The following ASXL3 variants were observed in gnomAD, a reference collection of about 807,000 sequenced individuals.
ASXL3 encodes the protein putative Polycomb group protein ASXL3.
ASXL3 carries 34 observed loss-of-function variants against 170.6 expected under a neutral mutation model. The observed-to-expected ratio is 0.20, with a 90% CI of 0.15 to 0.27. The LOEUF (loss-of-function observed/expected upper bound fraction) is 0.27, where lower values mean the gene tolerates loss of function less well. Among genes scored for constraint, ASXL3 ranks in the 10% least tolerant of loss-of-function variants. The probability of loss-of-function intolerance (pLI) is 1.00; values close to 1 mark genes in which losing one functional copy is unlikely to be tolerated. For synonymous variants in ASXL3, 1,002 were observed against 989.1 expected (o/e 1.01, Z -0.24); for missense variants, 2,592 against 2,695.3 (o/e 0.96, Z 0.85).
At chr18:33,735,918 C>G (rs2067537747) in intron 10 of ASXL3, among the ~76,000 whole-genome samples, 1 of 152,140 alleles carries the variant, frequency 6.6e-6, no homozygotes, top group African/African-American at 2.4e-5. Context: ...GTTCAAGGGA[C>G]CTACATTACA....
Position 33,739,128 on chromosome 18 carries a change from G to A in ASXL3, c.1724G>A (p.Gly575Glu), listed in dbSNP as rs1461692499. Reference protein sequence around the residue: ...VETSTPKIKTGSSSLEGQFPN... With the variant: ...VETSTPKIKTESSSLEGQFPN... ...ACCAGTACCCCCAAAATAAAAACAG[G>A]GTCATCTTCTCTAGAAGGCCAGTTT... The change falls in exon 11 of 12, where the codon GGG becomes GAG. Residue 575 changes from glycine (G) to glutamate (E), a missense_variant. Coordinates refer to ENST00000269197, the MANE Select transcript of ASXL3 (RefSeq NM_030632.3). 1 of 1,613,226 alleles carries A rather than the reference G, an allele frequency of 6.2e-7. No homozygotes were observed. The highest frequency in any genetic ancestry group is 2.2e-5 in the East Asian group (1 of 44,868).
At position 33,746,495 on chromosome 18, in the gene ASXL3, G is replaced by A. The variant is rs1294074005; in HGVS notation, c.6647G>A (p.Arg2216Gln). The change falls in exon 12 of 12, where the codon CGG (arginine) becomes CAG (glutamine). Residue 2216 changes from arginine (R) to glutamine (Q), a missense_variant. Physicochemically the swap from Arg to Gln is conservative, Grantham distance 43 (BLOSUM62 1). This residue lies in a region of ASXL3 where 22 missense variants were observed against 51.1 expected (regional missense o/e 0.43). Coordinates refer to ENST00000269197, the MANE Select transcript of ASXL3 (RefSeq NM_030632.3). ...ADELELKCSC[R>Q]LKAMIVCKGC... ...GAATTGGAACTGAAATGCTCTTGCC[G>A]GCTGAAAGCCATGATTGTGTGCAAA... The A allele has an allele frequency of 3.7e-6, 6 of 1,613,884 alleles. No individual in the cohort carries two copies. Among genetic ancestry groups the A allele is most frequent in the East Asian group, 2.2e-5 (1 of 44,882 alleles).
chr18:33,739,712 A>C lies in ASXL3; in HGVS notation c.2308A>C (p.Lys770Gln). ...TGAGAGAATGGCACATCAGCAAAGA[A>C]AGTCACCTTCTGTATCTGAAGAGCC... ...INERMAHQQRKSPSVSEEPLS... is the reference protein window; with the variant it reads ...INERMAHQQRQSPSVSEEPLS... Residue 770 changes from lysine to glutamine, a missense_variant, in exon 11 of 12, where the codon AAG becomes CAG. By Grantham distance (53) the Lys-to-Gln change is moderately conservative. Around this residue, in one of 4 missense-constraint regions of ASXL3, gnomAD observed 2,246 missense variants for 2,219.6 expected, o/e 1.01. Coordinates refer to ENST00000269197, the MANE Select transcript of ASXL3 (RefSeq NM_030632.3). 6.2e-7 allele frequency: 1 copy of C among 1,613,916 alleles called. No homozygotes were observed. Among genetic ancestry groups the C allele is most frequent in the Non-Finnish European group, 8.5e-7 (1 of 1,179,880 alleles).
In ASXL3 at chr18:33,745,906, C is replaced by T. The variant is rs1255513367; in HGVS notation, c.6058C>T (p.Pro2020Ser). The T allele has an allele frequency of 6.2e-7, 1 of 1,605,480 alleles. No homozygotes were observed. The highest frequency in any genetic ancestry group is 1.7e-5 in the Admixed American group (1 of 59,396). The change falls in exon 12 of 12, where the codon CCA becomes TCA. Residue 2020 changes from proline (P) to serine (S), a missense_variant. Physicochemically the swap from Pro to Ser is moderately conservative, Grantham distance 74. Coordinates refer to ENST00000269197, the MANE Select transcript of ASXL3 (RefSeq NM_030632.3). ...CAAAGCACTAGTACATCCGCCGCCG[C>T]CACCGCCTCCCCCTCCCCCTCCACC... ...PNKALVHPPP[P>S]PPPPPPPPLA...
chr18:33,714,535 C>T (rs1371242791), intron 8 of ASXL3, among the ~76,000 whole-genome samples: 3 of 152,178 alleles, frequency 2.0e-5, no homozygotes, highest in African/African-American at 7.2e-5. Context: ...CAGTAACTTG[C>T]CCCAAAACAC....
chr18:33,702,174 C>T (rs1260601498), intron 8 of ASXL3, among the ~76,000 whole-genome samples: 1 of 152,100 alleles, frequency 6.6e-6, no homozygotes, highest in Admixed American at 6.6e-5. Context: ...ATGCCTACTT[C>T]GAAAACCTTT....
intron 8 of ASXL3, among the ~76,000 whole-genome samples, chr18:33,725,784 C>T (rs1264392650): frequency 6.6e-6 from 1 of 152,118 alleles, no homozygotes; most frequent in Non-Finnish European, 1.5e-5. Flanking sequence ...CCAGCATGTA[C>T]TCAGTTAGCA....
intron 5 of ASXL3, among the ~76,000 whole-genome samples, chr18:33,662,710 C>G (rs1188713715): frequency 6.6e-6 from 1 of 152,142 alleles, no homozygotes; most frequent in Admixed American, 6.5e-5. Context: ...TTTGATCCTT[C>G]TATAACAATT....
intron 8 of ASXL3, among the ~76,000 whole-genome samples, chr18:33,706,600 CTT>C (rs1232122236): frequency 2.0e-5 from 3 of 151,800 alleles, no homozygotes; most frequent in African/African-American, 7.2e-5. Flanking sequence ...TTAAGCAACA[CTT>C]GACACATTTT....
chr18:33,674,754 G>C (rs1024613798), intron 7 of ASXL3, among the ~76,000 whole-genome samples: 2 of 151,766 alleles, frequency 1.3e-5, no homozygotes, highest in Non-Finnish European at 2.9e-5. Flanking sequence ...GAGTAGCTGG[G>C]ACTACAGGCG....
chr18:33,731,020 T>C (rs1290688739), intron 8 of ASXL3, among the ~76,000 whole-genome samples: 1 of 152,190 alleles, frequency 6.6e-6, no homozygotes, highest in Non-Finnish European at 1.5e-5. Flanking sequence ...TCAGTGTCTC[T>C]CTTTGCTGGC....
chr18:33,713,253 T>TTTTG, intron 8 of ASXL3, among the ~76,000 whole-genome samples: 98 of 83,770 alleles, frequency 1.2e-3, no homozygotes, highest in African/African-American at 4.6e-3. Flanking sequence ...GTTTTGTTTT[T>TTTTG]TTTTTTTTTT....
At chr18:33,704,576 A>C (rs887068208) in intron 8 of ASXL3, among the ~76,000 whole-genome samples, 1 of 152,064 alleles carries the variant, frequency 6.6e-6, no homozygotes, top group Non-Finnish European at 1.5e-5. Context: ...CCTGTGCTCA[A>C]CATTTTATAA....
intron 8 of ASXL3, among the ~76,000 whole-genome samples, chr18:33,685,023 T>G (rs902101133): frequency 2.0e-5 from 3 of 152,122 alleles, no homozygotes; most frequent in Non-Finnish European, 4.4e-5. Context: ...GAAGATTTCT[T>G]GAATATGAAG....
chr18:33,667,238 A>C (rs751388247), intron 5 of ASXL3, among the ~76,000 whole-genome samples: 12 of 152,010 alleles, frequency 7.9e-5, no homozygotes, highest in Admixed American at 2.6e-4. Context: ...TAGTCTTCTC[A>C]CTCCTATTCT....
chr18:33,732,476 A>G (rs932984073), intron 9 of ASXL3, among the ~76,000 whole-genome samples: 1 of 152,116 alleles, frequency 6.6e-6, no homozygotes, highest in Admixed American at 6.5e-5. Flanking sequence ...AGAATGCCCA[A>G]TGCTACTGTA....
intron 1 of ASXL3, among the ~76,000 whole-genome samples, chr18:33,601,817 G>T (rs1004140001): frequency 1.3e-5 from 1 of 79,542 alleles, no homozygotes; most frequent in African/African-American, 4.9e-5. Context: ...TTGAGACAGG[G>T]TGTTACACTG....
rs1057083213 is a variant in ASXL3, at chr18:33,748,362, A to G, written c.*1767A>G. ...GTTGCCAAATTTCTTTCTTTAGGTG[A>G]TAGAGACATCATTTCGAATAACAAA... On this transcript the variant is annotated 3_prime_UTR_variant, in exon 12 of 12. Transcript: ENST00000269197. 1.3e-5 allele frequency: 2 copies of G among 152,090 alleles called. No homozygotes were observed. Among genetic ancestry groups the G allele is most frequent in the African/African-American group, 2.4e-5 (1 of 41,408 alleles). 9.4% of individuals were successfully genotyped at this position (152,090 alleles called of 1,614,324 possible).
intron 8 of ASXL3, among the ~76,000 whole-genome samples, chr18:33,717,015 G>C (rs769718526): frequency 6.6e-6 from 1 of 151,852 alleles, no homozygotes. Flanking sequence ...GTCTCTTCTG[G>C]TATCCCAGAT....
Sources: allele counts gnomAD v4.1 joint callset (sites outside exome capture counted in the v4.1 genomes callset), GRCh38; gene constraint gnomAD v4.1.1; regional missense constraint gnomAD v4.1.1; transcripts MANE v1.5; gene names NCBI Gene and HGNC (gene_info 2026-07-23, HGNC 2026-07-21).